Variants in CLIC5 observed in about 807,000 individuals in gnomAD.
The protein encoded by CLIC5 is chloride intracellular channel protein 5.
Under a neutral mutation model 24.7 loss-of-function variants are expected in CLIC5, and 20 were observed. That is an observed-to-expected ratio of 0.81 (90% CI 0.57 to 1.18). The LOEUF (loss-of-function observed/expected upper bound fraction) is 1.18. Among genes scored for constraint, CLIC5 ranks in the 50% most tolerant of loss-of-function variants. The pLI, the probability that CLIC5 is intolerant of heterozygous loss-of-function variation, is 0.00. For missense variants in CLIC5, 341 were observed against 326.1 expected (o/e 1.05, Z -0.35); for synonymous variants, 159 against 135.6 (o/e 1.17, Z -1.20).
intron 3 of CLIC5, among the ~76,000 whole-genome samples, chr6:45,948,318 T>TA (rs1418091735): frequency 4.6e-5 from 7 of 152,232 alleles, no homozygotes; most frequent in Non-Finnish European, 1.0e-4. Flanking sequence ...TGTCTTGGCT[T>TA]AGCCCTTCAT....
At chr6:45,968,210 AGC>A (rs1178877139) in intron 1 of CLIC5, among the ~76,000 whole-genome samples, 2 of 152,148 alleles carry the variant, frequency 1.3e-5, no homozygotes, top group East Asian at 3.9e-4. Context: ...TAAACCCCTC[AGC>A]CACTCTTGGC....
Position 45,960,831 on chromosome 6 carries a change from G to A in CLIC5, c.64-5587C>T, listed in dbSNP as rs143998767. Among the ~76,000 whole-genome samples, 1,113 of 152,306 alleles carry A rather than the reference G, an allele frequency of 7.3e-3. 19 individuals are homozygous for A. The highest frequency in any genetic ancestry group is 0.027 in the Admixed American group (419 of 15,300). ...GGGAGTGGGCTATTGCTTGCTCAGC[G>A]ACTCCAGACCAGCTCTGGCCTGATC... On this transcript the variant is annotated intron_variant, in intron 1 of 5. Coordinates refer to ENST00000339561, the MANE Select transcript of CLIC5 (RefSeq NM_016929.5).
intron 1 of CLIC5, among the ~76,000 whole-genome samples, chr6:46,002,092 C>T (rs1268308597): frequency 6.6e-6 from 1 of 152,178 alleles, no homozygotes; most frequent in Non-Finnish European, 1.5e-5. Flanking sequence ...TTATAACAGC[C>T]TAACTTGTCT....
intron 1 of CLIC5, among the ~76,000 whole-genome samples, chr6:46,000,499 G>A (rs929523573): frequency 8.5e-5 from 13 of 152,162 alleles, no homozygotes; most frequent in African/African-American, 3.1e-4. Flanking sequence ...TGCATGGATG[G>A]TCTTTGTCTT....
At chr6:46,085,202 C>G (rs1205924110), upstream of CLIC5, among the ~76,000 whole-genome samples, 2 of 152,166 alleles carry the variant, frequency 1.3e-5, no homozygotes, top group Non-Finnish European at 2.9e-5. Flanking sequence ...TTTTTAACTT[C>G]TTTGCCTTTG....
chr6:46,008,483 T>G (rs1766672638), intron 1 of CLIC5, among the ~76,000 whole-genome samples: 1 of 152,146 alleles, frequency 6.6e-6, no homozygotes, highest in Admixed American at 6.5e-5. Context: ...CTGATGCTTG[T>G]TTGCATTGCA....
the CLIC5 span, among the ~76,000 whole-genome samples, chr6:46,106,273 A>G: frequency 6.6e-6 from 1 of 152,034 alleles, no homozygotes; most frequent in Non-Finnish European, 1.5e-5. Context: ...ATGCCCAGCT[A>G]ATTTTTGTAT....
At chr6:46,123,845 G>C in the CLIC5 span, among the ~76,000 whole-genome samples, 21 of 152,208 alleles carry the variant, frequency 1.4e-4, no homozygotes, top group African/African-American at 4.8e-4. Context: ...GCTTCAAAGA[G>C]AATAAAATAC....
chr6:45,920,431 A>T, intron 4 of CLIC5: 1 of 471,886 alleles, frequency 2.1e-6, no homozygotes, highest in Non-Finnish European at 2.8e-6. Flanking sequence ...TTTACTTTTC[A>T]TCTTCTCATT....
chr6:46,026,059 C>T (rs897791826), intron 1 of CLIC5, among the ~76,000 whole-genome samples: 10 of 152,132 alleles, frequency 6.6e-5, no homozygotes, highest in Admixed American at 1.3e-4. Flanking sequence ...ACTGATATAG[C>T]CTTCATCTTT....
intron 3 of CLIC5, among the ~76,000 whole-genome samples, chr6:45,945,470 C>CA (rs1263127930): frequency 6.6e-6 from 1 of 152,024 alleles, no homozygotes; most frequent in Non-Finnish European, 1.5e-5. Flanking sequence ...CCTGGCCCTG[C>CA]AAAACACTTT....
At chr6:45,997,436 A>G (rs1263246391) in intron 1 of CLIC5, among the ~76,000 whole-genome samples, 2 of 150,424 alleles carry the variant, frequency 1.3e-5, no homozygotes, top group Admixed American at 1.3e-4. Context: ...GCGCACCAGC[A>G]TGGCACATGT....
At position 45,944,786 on chromosome 6, in the gene CLIC5, C is replaced by G. The variant is rs192808196; in HGVS notation, c.300-3133G>C. 1.9e-3 allele frequency among the ~76,000 whole-genome samples: 282 copies of G among 152,114 alleles called. 9 individuals carry two copies. The South Asian group carries it at 0.052, about 28-fold the overall frequency. On this transcript the variant is annotated intron_variant, in intron 3 of 5. Transcript: ENST00000339561. ...TGAGATTGGTTTTGGGGATAGATAC[C>G]CTGGAGAAAAAGAAAGACGGTCCTG...
chr6:46,102,350 T>C, the CLIC5 span, among the ~76,000 whole-genome samples: 1 of 152,346 alleles, frequency 6.6e-6, no homozygotes, highest in East Asian at 1.9e-4. Context: ...TGAGCAGCGT[T>C]CCTTCCTTCT....
chr6:45,972,599 C>T (rs1052830338), intron 1 of CLIC5, among the ~76,000 whole-genome samples: 1 of 152,230 alleles, frequency 6.6e-6, no homozygotes, highest in African/African-American at 2.4e-5. Flanking sequence ...CACAGACCAG[C>T]AACATCAGCA....
At chr6:46,095,369 C>T in the CLIC5 span, among the ~76,000 whole-genome samples, 2 of 152,204 alleles carry the variant, frequency 1.3e-5, no homozygotes, top group Non-Finnish European at 2.9e-5. Context: ...TATAAATTTC[C>T]CAACTTTTAT....
At position 45,918,532 on chromosome 6, in the gene CLIC5, T is replaced by A. The variant is rs1425059694; in HGVS notation, c.407-4123A>T. On this transcript the variant is annotated intron_variant, in intron 4 of 5. Transcript: ENST00000339561. ...CATGGAGAGGAGCAGATATCAAAGG[T>A]GGTCTTTGAAAGAATGAGAACAGCT... Among the ~76,000 whole-genome samples the A allele has an allele frequency of 2.0e-5, 3 of 152,110 alleles. No individual in the cohort carries two copies. The South Asian group carries it at 6.2e-4, about 32-fold the overall frequency.
At chr6:46,092,633 T>TTG in the CLIC5 span, among the ~76,000 whole-genome samples, 198 of 151,278 alleles carry the variant, frequency 1.3e-3, 2 homozygotes, top group Middle Eastern at 6.9e-3. Flanking sequence ...TTATTCCCTT[T>TTG]TGTGTGTGTG....
chr6:46,023,364 GGTAA>G (rs1252164986), intron 1 of CLIC5, among the ~76,000 whole-genome samples: 3 of 152,116 alleles, frequency 2.0e-5, no homozygotes, highest in African/African-American at 7.2e-5. Context: ...ACTTAAAAAG[GGTAA>G]GTAACTTATC....
Sources: allele counts gnomAD v4.1 joint callset (sites outside exome capture counted in the v4.1 genomes callset), GRCh38; gene constraint gnomAD v4.1.1; transcripts MANE v1.5; gene names NCBI Gene and HGNC (gene_info 2026-07-23, HGNC 2026-07-21).